The following ERG variants were observed in gnomAD, a reference collection of about 807,000 sequenced individuals.
ERG encodes ETS transcription factor ERG, also known as transcriptional regulator ERG.
ERG carries 9 observed loss-of-function variants against 55.3 expected under a neutral mutation model. That is an observed-to-expected ratio of 0.16 (90% CI 0.10 to 0.28). ERG has a LOEUF of 0.28. ERG is among the 10% of genes least tolerant of loss of function. The pLI, the probability that ERG is intolerant of heterozygous loss-of-function variation, is 1.00. For missense variants in ERG, 434 were observed against 631.6 expected (o/e 0.69, Z 3.35); for synonymous variants, 223 against 237.3 (o/e 0.94, Z 0.55).
At chr21:38,407,343 T>G (rs902423599) in intron 3 of ERG, among the ~76,000 whole-genome samples, 3 of 152,160 alleles carry the variant, frequency 2.0e-5, no homozygotes, top group African/African-American at 7.2e-5. Context: ...TTTATTGATA[T>G]GATAAAATGT....
intron 1 of ERG, among the ~76,000 whole-genome samples, chr21:38,633,327 C>T (rs560565243): frequency 6.6e-6 from 1 of 152,244 alleles, no homozygotes; most frequent in South Asian, 2.1e-4. Context: ...AAATACTTAA[C>T]ACTACTGAAC....
intron 1 of ERG, among the ~76,000 whole-genome samples, chr21:38,643,990 GC>G (rs1262467404): frequency 6.6e-6 from 1 of 152,198 alleles, no homozygotes; most frequent in Admixed American, 6.5e-5. Context: ...AGTCCCCTCT[GC>G]TCACCCTCTC....
intron 2 of ERG, among the ~76,000 whole-genome samples, chr21:38,536,901 T>C (rs1165260193): frequency 6.6e-6 from 1 of 152,150 alleles, no homozygotes; most frequent in African/African-American, 2.4e-5. Flanking sequence ...AGATTTAGTG[T>C]GTGAGAGGAA....
At chr21:38,450,730 A>G (rs542215250) in intron 1 of ERG, 1 of 344,126 alleles carries the variant, frequency 2.9e-6, no homozygotes, top group East Asian at 7.8e-5. Context: ...ACCACTTGTC[A>G]CATTTTATCA....
At chr21:38,408,789 C>T (rs564461241) in intron 3 of ERG, among the ~76,000 whole-genome samples, 6 of 152,296 alleles carry the variant, frequency 3.9e-5, no homozygotes, top group African/African-American at 1.2e-4. Flanking sequence ...TTCCTCCTTT[C>T]TTGACCCCAA....
At chr21:38,484,576 T>C (rs1173913656) in intron 1 of ERG, among the ~76,000 whole-genome samples, 1 of 152,232 alleles carries the variant, frequency 6.6e-6, no homozygotes, top group African/African-American at 2.4e-5. Flanking sequence ...CTGTTGAAAG[T>C]TTGGTTAACA....
Position 38,407,095 on chromosome 21 carries a change from G to T in ERG, c.389-3386C>A, listed in dbSNP as rs1048354004. On this transcript the variant is annotated intron_variant, in intron 3 of 9. Coordinates refer to ENST00000288319, the MANE Select transcript of ERG (RefSeq NM_182918.4). ...ATACAACACAACAATACAATCAAACGTCTTTAAATATGTGCAGATTCCCTG... is the reference window on the plus strand; with the variant it reads ...ATACAACACAACAATACAATCAAACTTCTTTAAATATGTGCAGATTCCCTG... Among the ~76,000 whole-genome samples, 2 of 152,088 alleles carry T rather than the reference G, an allele frequency of 1.3e-5. 1 individual carries two copies. The highest frequency in any genetic ancestry group is 4.1e-4 in the South Asian group (2 of 4,826).
Position 38,392,392 on chromosome 21 carries a change from G to A in ERG, c.798C>T (p.Pro266=). The change falls in exon 7 of 10, where the codon CCC becomes CCT. Residue 266 remains proline (P), a synonymous_variant. Transcript: ENST00000288319. The part of the protein sequence containing the change: ...RRSAWTGHGH[P]TPQSKAAQPS... The stretch of plus-strand genomic sequence containing the variant: ...ACACTGTACCTTTCGACTGGGGCGT[G>A]GGGTGGCCGTGACCGGTCCAGGCTG... The A allele has an allele frequency of 6.4e-7, 1 of 1,567,186 alleles. No individual in the cohort carries two copies. The highest frequency in any genetic ancestry group is 1.2e-5 in the South Asian group (1 of 85,314).
intron 1 of ERG, among the ~76,000 whole-genome samples, chr21:38,605,378 G>A (rs1241574611): frequency 6.6e-6 from 1 of 152,104 alleles, no homozygotes; most frequent in Admixed American, 6.6e-5. Flanking sequence ...ATCACCACAT[G>A]GTAGACTCGC....
At chr21:38,408,941 CA>C (rs1988909050) in intron 3 of ERG, among the ~76,000 whole-genome samples, 1 of 152,174 alleles carries the variant, frequency 6.6e-6, no homozygotes, top group African/African-American at 2.4e-5. Flanking sequence ...TGGAACCTGT[CA>C]TTTAATTTTA....
intron 1 of ERG, among the ~76,000 whole-genome samples, chr21:38,599,036 A>G (rs77288293): frequency 9.2e-5 from 14 of 152,194 alleles, no homozygotes; most frequent in African/African-American, 2.9e-4. Flanking sequence ...GGAAGCTTCA[A>G]AAAAACCATT....
chr21:38,512,396 T>C (rs949914098), intron 2 of ERG, among the ~76,000 whole-genome samples: 8 of 152,248 alleles, frequency 5.3e-5, no homozygotes, highest in African/African-American at 7.2e-5. Flanking sequence ...GTCTCCGCAA[T>C]TGATATTCTA....
At chr21:38,559,380 T>TC (rs1479951463) in intron 2 of ERG, among the ~76,000 whole-genome samples, 2 of 126,248 alleles carry the variant, frequency 1.6e-5, no homozygotes, top group Non-Finnish European at 3.2e-5. Context: ...GGATCCCATT[T>TC]CCCTTTTTTT....
chr21:38,426,790 C>T (rs180817247), intron 2 of ERG, among the ~76,000 whole-genome samples: 8 of 151,812 alleles, frequency 5.3e-5, no homozygotes, highest in South Asian at 2.1e-4. Context: ...ATTAGCCGGG[C>T]GTGGTGGTGC....
intron 2 of ERG, among the ~76,000 whole-genome samples, chr21:38,509,132 C>CCATG (rs2059492115): frequency 6.6e-6 from 1 of 152,156 alleles, no homozygotes; most frequent in Non-Finnish European, 1.5e-5. Flanking sequence ...AGCCCTGGAA[C>CCATG]CATGAGAGAT....
chr21:38,572,181 C>G (rs1339112997), intron 2 of ERG, among the ~76,000 whole-genome samples: 10 of 136,890 alleles, frequency 7.3e-5, no homozygotes, highest in Admixed American at 4.6e-4. Flanking sequence ...ACGGTGAAAC[C>G]CCGTCTCTAC....
chr21:38,599,963 G>C (rs1045655096), intron 1 of ERG, among the ~76,000 whole-genome samples: 20 of 152,242 alleles, frequency 1.3e-4, no homozygotes, highest in African/African-American at 4.8e-4. Context: ...ATGGAAATAG[G>C]ATAGTGTCAA....
chr21:38,559,847 AT>A (rs1173163501), intron 2 of ERG, among the ~76,000 whole-genome samples: 2 of 151,926 alleles, frequency 1.3e-5, no homozygotes, highest in African/African-American at 2.4e-5. Flanking sequence ...CGCCCAGCTA[AT>A]TTTTTTGTAT....
rs572111772 is a variant in ERG, at chr21:38,511,384, T to C, written c.-41+64278A>G. Among the ~76,000 whole-genome samples the C allele has an allele frequency of 4.1e-4, 63 of 152,358 alleles. 1 individual carries two copies. The highest frequency in any genetic ancestry group is 6.9e-4 in the Non-Finnish European group (47 of 68,044). ...ATGCCTATGGGTACAAAGCTAGGCA[T>C]TGATTGATGTTTAATACCTACAAAT... On this transcript the variant is annotated intron_variant, in intron 2 of 8. Coordinates refer to the ERG transcript ENST00000398897.
Sources: gnomAD v4.1 joint callset for allele counts (sites outside exome capture counted in the v4.1 genomes callset) on GRCh38, gnomAD v4.1.1 for gene constraint, MANE v1.5 for transcripts, NCBI Gene and HGNC (gene_info 2026-07-23, HGNC 2026-07-21) for gene names.